IL1RAPL2: variants seen among roughly 807,000 people sequenced by gnomAD.
The protein encoded by IL1RAPL2 is interleukin 1 receptor accessory protein like 2, also known as X-linked interleukin-1 receptor accessory protein-like 2.
In IL1RAPL2, 3 loss-of-function variants were observed where a neutral mutation model predicts 44.1. The ratio of observed to expected loss-of-function variants is 0.07; its 90% CI spans 0.03 to 0.18. IL1RAPL2 has a LOEUF of 0.18. Ranked by LOEUF, IL1RAPL2 falls within the 10% of genes least tolerant of loss-of-function variation. The pLI is 1.00. For missense variants in IL1RAPL2, 391 were observed against 496.4 expected (o/e 0.79, Z 2.02); for synonymous variants, 181 against 178.8 (o/e 1.01, Z -0.10).
chrX:104,620,456 G>A (rs1034810865), intron 1 of IL1RAPL2, among the ~76,000 whole-genome samples: 6 of 107,091 alleles, frequency 5.6e-5, no homozygotes, highest in African/African-American at 2.0e-4. Flanking sequence ...TGGCTGACAT[G>A]GTGAAAACCC....
chrX:105,160,073 G>C (rs1350214449), intron 2 of IL1RAPL2, among the ~76,000 whole-genome samples: 1 of 105,930 alleles, frequency 9.4e-6, no homozygotes, highest in Admixed American at 1.0e-4. Context: ...GCCTGACCTA[G>C]TGATCCAATC....
intron 5 of IL1RAPL2, among the ~76,000 whole-genome samples, chrX:105,290,143 T>C (rs899584555): frequency 9.0e-6 from 1 of 111,401 alleles, no homozygotes; most frequent in Non-Finnish European, 1.9e-5. Context: ...TTCAGGTTCT[T>C]GTCCTTAAGA....
chrX:105,102,538 A>T (rs906680773), intron 2 of IL1RAPL2, among the ~76,000 whole-genome samples: 1 of 112,192 alleles, frequency 8.9e-6, no homozygotes. Flanking sequence ...ACATATGTGT[A>T]CACACACTTA....
chrX:104,751,660 T>TTA (rs1485270206), intron 2 of IL1RAPL2, among the ~76,000 whole-genome samples: 1 of 111,439 alleles, frequency 9.0e-6, no homozygotes, highest in Admixed American at 9.6e-5. Context: ...AAACCACTGT[T>TTA]TATGAACAGA....
chrX:105,485,465 G>A (rs994435007), intron 6 of IL1RAPL2, among the ~76,000 whole-genome samples: 1 of 110,478 alleles, frequency 9.1e-6, no homozygotes, highest in Non-Finnish European at 1.9e-5. Context: ...CAAGCAGTCC[G>A]GTTATAATAT....
rs189407630 is a variant in IL1RAPL2, at chrX:105,443,585, T to C, written c.698-40728T>C. 1.1e-4 allele frequency among the ~76,000 whole-genome samples: 12 copies of C among 112,292 alleles called. No homozygotes were observed. The East Asian group carries it at 3.1e-3, about 29-fold the overall frequency. Reference sequence around the variant, plus strand: ...TGTTTTGATTTTTAGATCCCACAAATGAGTGGAACATATGGTGTTTGTGTT... The same window carrying C: ...TGTTTTGATTTTTAGATCCCACAAACGAGTGGAACATATGGTGTTTGTGTT... On this transcript the variant is annotated intron_variant, in intron 5 of 10. Coordinates refer to ENST00000372582, the MANE Select transcript of IL1RAPL2 (RefSeq NM_017416.2).
At chrX:104,861,104 C>G (rs1922482065) in intron 2 of IL1RAPL2, among the ~76,000 whole-genome samples, 1 of 111,896 alleles carries the variant, frequency 8.9e-6, no homozygotes, top group Admixed American at 9.5e-5. Context: ...ACCACTACCC[C>G]TTGATAGAAT....
chrX:105,458,844 C>A (rs951303144), intron 5 of IL1RAPL2, among the ~76,000 whole-genome samples: 2 of 111,277 alleles, frequency 1.8e-5, no homozygotes, highest in Non-Finnish European at 3.8e-5. Flanking sequence ...TCAGACAGGT[C>A]GAATAGAGAC....
At chrX:104,925,184 A>G (rs1258106904) in intron 2 of IL1RAPL2, among the ~76,000 whole-genome samples, 2 of 105,690 alleles carry the variant, frequency 1.9e-5, no homozygotes, top group African/African-American at 6.9e-5. Context: ...CCAATGAGTA[A>G]TGAAATTGAA....
chrX:105,196,995 G>T (rs2033677900), intron 3 of IL1RAPL2, among the ~76,000 whole-genome samples: 1 of 111,576 alleles, frequency 9.0e-6, no homozygotes, highest in Non-Finnish European at 1.9e-5. Flanking sequence ...CCCTGGCGAG[G>T]TCTCATTGTT....
At chrX:105,485,545 G>A (rs1444219838) in intron 6 of IL1RAPL2, among the ~76,000 whole-genome samples, 1 of 110,858 alleles carries the variant, frequency 9.0e-6, no homozygotes, top group Non-Finnish European at 1.9e-5. Context: ...TTAAATACTA[G>A]ATCTTACTGA....
intron 5 of IL1RAPL2, among the ~76,000 whole-genome samples, chrX:105,320,569 C>T (rs1341325432): frequency 9.2e-6 from 1 of 109,276 alleles, no homozygotes; most frequent in Non-Finnish European, 1.9e-5. Flanking sequence ...TATATGTGTA[C>T]GTGTATATGT....
chrX:105,534,594 G>A (rs944504543), intron 6 of IL1RAPL2, among the ~76,000 whole-genome samples: 1 of 111,381 alleles, frequency 9.0e-6, no homozygotes, highest in African/African-American at 3.3e-5. Flanking sequence ...TCACGCTACT[G>A]AACTTTAAGA....
intron 1 of IL1RAPL2, among the ~76,000 whole-genome samples, chrX:104,648,579 C>A (rs181717128): frequency 1.0e-3 from 112 of 111,827 alleles, no homozygotes; most frequent in African/African-American, 3.4e-3. Context: ...GACACCACAT[C>A]AAAAATTGAG....
intron 2 of IL1RAPL2, among the ~76,000 whole-genome samples, chrX:104,956,343 C>G (rs1602851745): frequency 8.9e-6 from 1 of 111,761 alleles, no homozygotes; most frequent in Admixed American, 9.5e-5. Flanking sequence ...CAAGAGGGGC[C>G]AGGTGTGGTG....
At chrX:105,347,538 G>A (rs972127050) in intron 5 of IL1RAPL2, among the ~76,000 whole-genome samples, 8 of 100,234 alleles carry the variant, frequency 8.0e-5, no homozygotes, top group African/African-American at 3.1e-4. Flanking sequence ...TCCTCCTCCC[G>A]CTCTTCCCTC....
At chrX:105,158,887 G>A (rs925623981) in intron 2 of IL1RAPL2, among the ~76,000 whole-genome samples, 1 of 111,005 alleles carries the variant, frequency 9.0e-6, no homozygotes, top group Non-Finnish European at 1.9e-5. Flanking sequence ...TTTCTGTCTC[G>A]GCATTCCGCA....
At chrX:104,675,446 G>A (rs1465492112) in intron 2 of IL1RAPL2, among the ~76,000 whole-genome samples, 11 of 111,691 alleles carry the variant, frequency 9.8e-5, no homozygotes, top group African/African-American at 3.3e-4. Context: ...TAGTTTGATT[G>A]CACTGTGGTC....
chrX:104,633,555 C>T (rs1929709757), intron 1 of IL1RAPL2, among the ~76,000 whole-genome samples: 2 of 111,662 alleles, frequency 1.8e-5, no homozygotes, highest in South Asian at 7.6e-4. Flanking sequence ...CAGCTTCTTC[C>T]TGGTTTAGTC....
Sources: gnomAD v4.1 joint callset for allele counts (sites outside exome capture counted in the v4.1 genomes callset) on GRCh38, gnomAD v4.1.1 for gene constraint, MANE v1.5 for transcripts, NCBI Gene and HGNC (gene_info 2026-07-23, HGNC 2026-07-21) for gene names.